Variants in HTT observed in about 807,000 individuals in gnomAD.
The protein encoded by HTT is huntingtin.
In HTT, 104 loss-of-function variants were observed where a neutral mutation model predicts 362.3. The ratio of observed to expected loss-of-function variants is 0.29; its 90% CI spans 0.24 to 0.34. HTT has a LOEUF of 0.34. HTT is among the 10% of genes least tolerant of loss of function. HTT has a pLI of 1.00. For missense variants in HTT, 3,301 were observed against 3,928.6 expected (o/e 0.84, Z 4.27); for synonymous variants, 1,577 against 1,548.7 (o/e 1.02, Z -0.43).
At chr4:3,165,556 C>T (rs1717658707) in intron 29 of HTT, among the ~76,000 whole-genome samples, 4 of 152,122 alleles carry the variant, frequency 2.6e-5, no homozygotes, top group Admixed American at 2.6e-4. Flanking sequence ...ACCAATCAAA[C>T]GTAGATTTGG....
At chr4:3,081,947 CTT>C (rs1712935358) in intron 1 of HTT, among the ~76,000 whole-genome samples, 1 of 151,886 alleles carries the variant, frequency 6.6e-6, no homozygotes. Flanking sequence ...ATAAAAATAT[CTT>C]CAAGCAGCAC....
At chr4:3,119,656 A>G (rs1189632271) in intron 8 of HTT, among the ~76,000 whole-genome samples, 2 of 152,240 alleles carry the variant, frequency 1.3e-5, no homozygotes, top group Non-Finnish European at 2.9e-5. Flanking sequence ...TTAAATGTAA[A>G]TAGTGTTACC....
intron 18 of HTT, among the ~76,000 whole-genome samples, chr4:3,133,406 G>C (rs1237864840): frequency 1.3e-5 from 2 of 151,764 alleles, no homozygotes; most frequent in African/African-American, 2.4e-5. Flanking sequence ...GGTGGAGGGG[G>C]GATTGCTTGA....
chr4:3,094,766 C>T (rs376025180), intron 2 of HTT, among the ~76,000 whole-genome samples: 7 of 151,214 alleles, frequency 4.6e-5, no homozygotes, highest in East Asian at 1.9e-4. Context: ...CCTCACTTCC[C>T]GGACGGGGCG....
intron 60 of HTT, 112 bp downstream of exon 60, chr4:3,230,154 G>A: frequency 1.1e-6 from 1 of 872,484 alleles, no homozygotes; most frequent in Non-Finnish European, 1.9e-6. Flanking sequence ...TCCAAGAGTT[G>A]ACCCGAACCG....
At chr4:3,232,664 GGGCAGA>G (rs1721313418) in intron 60 of HTT, among the ~76,000 whole-genome samples, 1 of 152,250 alleles carries the variant, frequency 6.6e-6, no homozygotes, top group South Asian at 2.1e-4. Context: ...AAATTAGCAA[GGGCAGA>G]GGCCCATGGG....
chr4:3,225,757 C>T lies in HTT; in HGVS notation c.7848+14C>T, dbSNP rs575341165. The T allele has an allele frequency of 6.2e-7, 1 of 1,606,924 alleles. No individual in the cohort carries two copies. Among genetic ancestry groups the T allele is most frequent in the Non-Finnish European group, 8.5e-7 (1 of 1,175,428 alleles). The stretch of plus-strand genomic sequence containing the variant: ...AAACTCGGCCAGGTCAGTCTCGCGC[C>T]CCCGCCGCCTGGCCTCTGTCCGTTT... On this transcript the variant is annotated intron_variant, in intron 57 of 66. Coordinates refer to ENST00000355072, the MANE Select transcript of HTT (RefSeq NM_001388492.1).
chr4:3,096,615 G>T (rs1345193694), intron 2 of HTT, among the ~76,000 whole-genome samples: 1 of 152,120 alleles, frequency 6.6e-6, no homozygotes, highest in African/African-American at 2.4e-5. Context: ...ATGGCCCATG[G>T]GTCAGAAGTG....
At chr4:3,112,733 G>A (rs1714822267) in intron 6 of HTT, among the ~76,000 whole-genome samples, 1 of 152,166 alleles carries the variant, frequency 6.6e-6, no homozygotes, top group African/African-American at 2.4e-5. Flanking sequence ...GTCTTTTGGA[G>A]TACATGTGCA....
Position 3,238,363 on chromosome 4 carries a change from A to G in HTT, c.8892-84A>G, listed in dbSNP as rs915494879. The G allele has an allele frequency of 1.1e-4, 110 of 975,444 alleles. 1 individual carries two copies. The Admixed American group carries it at 3.1e-3, about 28-fold the overall frequency. The allele number at this position is 975,444 out of a possible 1,614,324, so 60.4% of individuals were successfully genotyped here. Reference sequence around the variant, plus strand: ...CTGATTTCACATCGGCATTTTCCCCAGTATTAGAGCCAAGGCCCTCCGCGG... The same window carrying G: ...CTGATTTCACATCGGCATTTTCCCCGGTATTAGAGCCAAGGCCCTCCGCGG... On this transcript the variant is annotated intron_variant, in intron 64 of 66. Transcript: ENST00000355072.
chr4:3,167,004 T>C (rs1305445536), intron 29 of HTT, among the ~76,000 whole-genome samples: 2 of 152,208 alleles, frequency 1.3e-5, no homozygotes, highest in Non-Finnish European at 2.9e-5. Flanking sequence ...AATGCAGAAA[T>C]CACCTGTCTT....
At chr4:3,230,173 G>A (rs866760828) in intron 60 of HTT, 131 bp downstream of exon 60, 4 of 704,726 alleles carry the variant, frequency 5.7e-6, no homozygotes, top group South Asian at 5.1e-5. Flanking sequence ...CGGACTCCAC[G>A]GCCCACGTGA....
At chr4:3,111,974 A>G (rs1393171052) in intron 6 of HTT, among the ~76,000 whole-genome samples, 1 of 152,158 alleles carries the variant, frequency 6.6e-6, no homozygotes, top group African/African-American at 2.4e-5. Flanking sequence ...TCCCCAGCAA[A>G]GCTTGCATTT....
intron 56 of HTT, among the ~76,000 whole-genome samples, chr4:3,225,210 G>C (rs1324540991): frequency 1.3e-5 from 2 of 152,318 alleles, no homozygotes; most frequent in African/African-American, 4.8e-5. Flanking sequence ...CCTGCCGGCT[G>C]TATCTGGTCA....
intron 36 of HTT, among the ~76,000 whole-genome samples, chr4:3,181,610 C>G (rs1323366234): frequency 6.6e-6 from 1 of 152,090 alleles, no homozygotes; most frequent in Non-Finnish European, 1.5e-5. Flanking sequence ...AAAGCCATAG[C>G]TTTTCTCATA....
rs1719852890 is a variant in HTT, at chr4:3,206,361, C to T, written c.5719-135C>T. 1.2e-5 allele frequency: 8 copies of T among 680,952 alleles called. No homozygotes were observed. Among genetic ancestry groups the T allele is most frequent in the South Asian group, 7.6e-5 (4 of 52,978 alleles). 42.2% of individuals were successfully genotyped at this position (680,952 alleles called of 1,614,324 possible). On this transcript the variant is annotated intron_variant, in intron 42 of 66. Transcript: ENST00000355072. The surrounding 1 kb of genome is among the most constrained non-coding windows in gnomAD (Gnocchi z 4.6). Reference sequence around the variant, plus strand: ...ACCTCCTCAATTATTTGTGCTCATACACTGTATATTTTTAGTGAGGTTTAT... The same window carrying T: ...ACCTCCTCAATTATTTGTGCTCATATACTGTATATTTTTAGTGAGGTTTAT...
chr4:3,145,072 T>C, intron 23 of HTT, 80 bp from the exon 24 acceptor site: 1 of 1,065,622 alleles, frequency 9.4e-7, no homozygotes, highest in Non-Finnish European at 1.5e-6. Flanking sequence ...GTTTGTACTT[T>C]TTATAAAGGG....
intron 26 of HTT, among the ~76,000 whole-genome samples, chr4:3,149,452 T>C (rs936946254): frequency 2.6e-5 from 4 of 152,158 alleles, no homozygotes; most frequent in African/African-American, 9.6e-5. Context: ...ATTACAGGCA[T>C]GCACCACCAC....
chr4:3,075,010 T>C lies in HTT; in HGVS notation c.185T>C (p.Leu62Pro), dbSNP rs1444439801. The change falls in exon 1 of 67, where the codon CTG (leucine) becomes CCG (proline). Residue 62 changes from leucine to proline, a missense_variant. By Grantham distance (98) the Leu-to-Pro change is moderately conservative (BLOSUM62 -3). Transcript: ENST00000355072. ...CCGCCGCCGCAGGCACAGCCGCTGC[T>C]GCCTCAGCCGCAGCCGCCCCCGCCG... Reference protein sequence around the residue: ...PQPPPQAQPLLPQPQPPPPPP... With the variant: ...PQPPPQAQPLPPQPQPPPPPP... 3 of 1,320,420 alleles carry C rather than the reference T, an allele frequency of 2.3e-6. No homozygotes were observed. Among genetic ancestry groups the C allele is most frequent in the Admixed American group, 6.8e-5 (2 of 29,246 alleles). The allele number at this position is 1,320,420 out of a possible 1,614,324, so 81.8% of individuals were successfully genotyped here. A position where few individuals can be genotyped will look rare whatever the true frequency, so the allele number is the denominator to read the frequency against.
Sources: gnomAD v4.1 joint callset for allele counts (sites outside exome capture counted in the v4.1 genomes callset) on GRCh38, gnomAD v4.1.1 for gene constraint, Gnocchi (gnomAD v3.1) non-coding constraint, MANE v1.5 for transcripts, NCBI Gene and HGNC (gene_info 2026-07-23, HGNC 2026-07-21) for gene names.